The following TMEM161B variants were observed in gnomAD, a reference collection of about 807,000 sequenced individuals.
The protein encoded by TMEM161B is transmembrane protein 161B.
TMEM161B carries 34 observed loss-of-function variants against 61.8 expected under a neutral mutation model. The observed-to-expected ratio is 0.55, with a 90% CI of 0.42 to 0.73. The LOEUF (loss-of-function observed/expected upper bound fraction) is 0.73. Among genes scored for constraint, TMEM161B ranks in the 30% least tolerant of loss-of-function variants. The pLI is 0.00. For missense variants in TMEM161B, 456 were observed against 558.5 expected (o/e 0.82, Z 1.85); for synonymous variants, 167 against 192.8 (o/e 0.87, Z 1.11).
At chr5:88,217,587 G>A (rs1196962794) in intron 5 of TMEM161B, among the ~76,000 whole-genome samples, 1 of 151,702 alleles carries the variant, frequency 6.6e-6, no homozygotes, top group African/African-American at 2.4e-5. Context: ...AGGGGGTGGT[G>A]GGGGGTAATA....
At chr5:88,256,490 G>A (rs187349291) in intron 1 of TMEM161B, among the ~76,000 whole-genome samples, 7 of 152,292 alleles carry the variant, frequency 4.6e-5, no homozygotes, top group African/African-American at 1.7e-4. Context: ...TTAATGAAAA[G>A]ACATGTTTGA....
intron 1 of TMEM161B, among the ~76,000 whole-genome samples, chr5:88,261,954 G>C (rs1755747901): frequency 2.0e-5 from 3 of 152,180 alleles, no homozygotes. Context: ...ATTAAAATCT[G>C]CTCTGTAAAA....
At chr5:88,209,114 C>T (rs1054240601) in intron 5 of TMEM161B, among the ~76,000 whole-genome samples, 2 of 152,134 alleles carry the variant, frequency 1.3e-5, no homozygotes, top group Non-Finnish European at 2.9e-5. Context: ...TGGAGCATTT[C>T]GGATTTTGGA....
downstream of TMEM161B, among the ~76,000 whole-genome samples, chr5:88,192,014 A>ATATATGTATATATATATG (rs1748986402): frequency 1.1e-5 from 1 of 93,788 alleles, no homozygotes; most frequent in African/African-American, 4.5e-5. Context: ...ATATATATAT[A>ATATATGTATATATATATG]TATATATATA....
At chr5:88,243,881 C>T (rs1250698125) in intron 1 of TMEM161B, among the ~76,000 whole-genome samples, 1 of 151,878 alleles carries the variant, frequency 6.6e-6, no homozygotes, top group Non-Finnish European at 1.5e-5. Flanking sequence ...TTGTTGGCCA[C>T]ATAAATGTCT....
chr5:88,226,866 C>G (rs988499778), intron 3 of TMEM161B, among the ~76,000 whole-genome samples: 2 of 152,098 alleles, frequency 1.3e-5, no homozygotes, highest in Admixed American at 6.6e-5. Context: ...CCTGTAATTC[C>G]AACACTTTGA....
intron 10 of TMEM161B, 79 bp downstream of exon 10, chr5:88,198,897 A>G (rs1369127313): frequency 8.8e-6 from 11 of 1,252,626 alleles, no homozygotes; most frequent in African/African-American, 1.5e-5. Context: ...AATACTATCT[A>G]CTAAAGGAAA....
intron 9 of TMEM161B, chr5:88,200,566 T>C (rs1320837530): frequency 1.3e-5 from 2 of 152,108 alleles, no homozygotes; most frequent in African/African-American, 4.8e-5. Context: ...TAGAAAATTA[T>C]TTGTTCAGTT....
intron 1 of TMEM161B, among the ~76,000 whole-genome samples, chr5:88,253,730 G>A (rs538819909): frequency 6.6e-6 from 1 of 152,220 alleles, no homozygotes; most frequent in South Asian, 2.1e-4. Flanking sequence ...GTAATTGGAA[G>A]CAAGGAACTA....
chr5:88,209,073 G>A (rs1046544814), intron 5 of TMEM161B, among the ~76,000 whole-genome samples: 4 of 152,178 alleles, frequency 2.6e-5, no homozygotes, highest in Non-Finnish European at 4.4e-5. Context: ...TACTTCTGGT[G>A]TTATGTCAGT....
In TMEM161B at chr5:88,196,456, T is replaced by C. The variant is rs758337035; in HGVS notation, c.1219A>G (p.Ile407Val). Reference sequence around the variant, plus strand: ...CTATTATCCACTGGTAAGGTAGAGATAGATTCTGGATAAATACCCCAGGAA... The same window carrying C: ...CTATTATCCACTGGTAAGGTAGAGACAGATTCTGGATAAATACCCCAGGAA... ...NHSWGIYPES[I>V]STLPVDNSLL... Residue 407 changes from isoleucine (I) to valine (V), a missense_variant, in exon 12 of 12, where the codon ATC (isoleucine) becomes GTC (valine). By Grantham distance (29) the Ile-to-Val change is conservative (BLOSUM62 3). This residue lies in a region of TMEM161B where 367 missense variants were observed against 427.3 expected (regional missense o/e 0.86). Transcript: ENST00000296595. 28 of 1,611,132 alleles carry C rather than the reference T, an allele frequency of 1.7e-5. No individual in the cohort carries two copies. The highest frequency in any genetic ancestry group is 2.2e-5 in the East Asian group (1 of 44,796).
intron 8 of TMEM161B, among the ~76,000 whole-genome samples, chr5:88,204,037 TACAC>T (rs1744976407): frequency 6.6e-6 from 1 of 151,856 alleles, no homozygotes; most frequent in Non-Finnish European, 1.5e-5. Flanking sequence ...GGGTTCAAAA[TACAC>T]ACAAACACCA....
chr5:88,227,485 T>G (rs1416650099), intron 3 of TMEM161B, among the ~76,000 whole-genome samples: 1 of 152,164 alleles, frequency 6.6e-6, no homozygotes, highest in Admixed American at 6.5e-5. Context: ...TTAAAGAACT[T>G]AACTACTGGA....
At chr5:88,207,254 G>C (rs1481115726) in intron 5 of TMEM161B, 74 bp from the exon 6 acceptor site, 2 of 1,356,398 alleles carry the variant, frequency 1.5e-6, no homozygotes, top group Non-Finnish European at 2.0e-6. Flanking sequence ...TATAGGACTT[G>C]ATTGCAATAA....
chr5:88,218,149 C>T (rs1441630563), intron 5 of TMEM161B, among the ~76,000 whole-genome samples: 2 of 151,938 alleles, frequency 1.3e-5, no homozygotes, highest in Non-Finnish European at 2.9e-5. Flanking sequence ...TTCTTTCAAG[C>T]ATGCAAGAAA....
At chr5:88,220,780 T>C in intron 4 of TMEM161B, 61 bp from the exon 5 acceptor site, 1 of 1,488,338 alleles carries the variant, frequency 6.7e-7, no homozygotes, top group Non-Finnish European at 8.9e-7. Context: ...CACTTACATT[T>C]TCATAAATAA....
In TMEM161B at chr5:88,196,067, A is replaced by G. The variant is rs1353607378; in HGVS notation, c.*144T>C. The G allele has an allele frequency of 7.0e-7, 1 of 1,424,286 alleles. No individual in the cohort carries two copies. The highest frequency in any genetic ancestry group is 2.5e-5 in the East Asian group (1 of 39,358). The allele number at this position is 1,424,286 out of a possible 1,614,324, so 88.2% of individuals were successfully genotyped here. A position where few individuals can be genotyped will look rare whatever the true frequency, so the allele number is the denominator to read the frequency against. On this transcript the variant is annotated 3_prime_UTR_variant, in exon 12 of 12. Coordinates refer to ENST00000296595, the MANE Select transcript of TMEM161B (RefSeq NM_153354.5). ...CTACATTAATTCACCCTGAGAATAC[A>G]GAGGAAACATTTAATACAAGACATT...
intron 6 of TMEM161B, among the ~76,000 whole-genome samples, 166 bp from the exon 7 acceptor site, chr5:88,206,665 GGTT>G (rs558692477): frequency 2.3e-4 from 35 of 152,086 alleles, no homozygotes; most frequent in African/African-American, 7.7e-4. Context: ...AATAAAATTT[GGTT>G]ATTAGCAGGA....
At chr5:88,228,367 T>C (rs775973175) in intron 3 of TMEM161B, 78 bp downstream of exon 3, 1 of 1,104,380 alleles carries the variant, frequency 9.1e-7, no homozygotes, top group Non-Finnish European at 1.3e-6. Context: ...GGTACATGTT[T>C]CTTTAATCAA....
Sources: allele counts gnomAD v4.1 joint callset (sites outside exome capture counted in the v4.1 genomes callset), GRCh38; gene constraint gnomAD v4.1.1; regional missense constraint gnomAD v4.1.1; transcripts MANE v1.5; gene names NCBI Gene and HGNC (gene_info 2026-07-23, HGNC 2026-07-21).